The following DCLRE1A variants were observed in gnomAD, a reference collection of about 807,000 sequenced individuals.
The protein encoded by DCLRE1A is DNA cross-link repair 1A.
Under a neutral mutation model 91.9 loss-of-function variants are expected in DCLRE1A, and 64 were observed. The ratio of observed to expected loss-of-function variants is 0.70; its 90% CI spans 0.57 to 0.86. DCLRE1A has a LOEUF of 0.86. Among genes scored for constraint, DCLRE1A ranks in the 40% least tolerant of loss-of-function variants. The pLI is 0.00. For missense variants in DCLRE1A, 1,145 were observed against 1,213.3 expected (o/e 0.94, Z 0.84); for synonymous variants, 416 against 431.1 (o/e 0.96, Z 0.43).
chr10:113,842,217 AAGGTAATATTGAATCATTAC>A (rs767924447), intron 6 of DCLRE1A, 106 bp downstream of exon 6: 84 of 821,248 alleles, frequency 1.0e-4, no homozygotes, highest in Non-Finnish European at 1.4e-4. Context: ...TTCAACTTCA[AAGGTAATATTGAATCATTAC>A]AGGAAATAAT....
Position 113,850,175 on chromosome 10 carries a change from A to T in DCLRE1A, c.930T>A (p.His310Gln). ...AATCATCCGGTTTTTCATCGATATC[A>T]TGAGTGTCTTCATCACTTTGAAGTG... is the stretch of plus-strand genomic sequence containing the variant. Reference protein sequence around the residue: ...YSPLQSDEDTHDIDEKPDDSQ... With the variant: ...YSPLQSDEDTQDIDEKPDDSQ... The change falls in exon 2 of 9, where the codon CAT becomes CAA. Residue 310 changes from histidine (H) to glutamine (Q), a missense_variant. Physicochemically the swap from His to Gln is conservative, Grantham distance 24 (BLOSUM62 0). Coordinates refer to ENST00000361384, the MANE Select transcript of DCLRE1A (RefSeq NM_014881.5). 2 of 1,614,156 alleles carry T rather than the reference A, an allele frequency of 1.2e-6. No individual in the cohort carries two copies. The highest frequency in any genetic ancestry group is 1.1e-5 in the South Asian group (1 of 91,074).
chr10:113,845,931 A>C, intron 3 of DCLRE1A, 128 bp from the exon 4 acceptor site: 1 of 811,000 alleles, frequency 1.2e-6, no homozygotes, highest in Non-Finnish European at 2.1e-6. Context: ...ACACTCCACA[A>C]TGCCAGGAAG....
intron 6 of DCLRE1A, 52 bp downstream of exon 6, chr10:113,842,291 G>GA (rs1845456777): frequency 9.7e-6 from 14 of 1,439,678 alleles, no homozygotes; most frequent in African/African-American, 2.8e-5. Flanking sequence ...TATGCAAAAA[G>GA]AATCTGATCT....
Position 113,835,103 on chromosome 10 carries a change from C to G in DCLRE1A, c.*49G>C. ...ACATTTCTATAGATTTAACTACTAA[C>G]AAGCTACATCCAAGGAACTTAACTA... On this transcript the variant is annotated 3_prime_UTR_variant, in exon 9 of 9. Coordinates refer to ENST00000361384, the MANE Select transcript of DCLRE1A (RefSeq NM_014881.5). The G allele has an allele frequency of 1.3e-6, 2 of 1,548,112 alleles. No individual in the cohort carries two copies. The highest frequency in any genetic ancestry group is 1.8e-6 in the Non-Finnish European group (2 of 1,140,582).
rs749884263 is a variant in DCLRE1A at position 113,850,341 on chromosome 10, G to A, written c.764C>T (p.Ser255Phe). ...ATCTGTAAATTGTAGAGCTTGTTGG[G>A]ATGTTTGGATATGAGTAGAAATCTT... Reference protein sequence around the residue: ...SEKISTHIQTSQQALQFTDFV... With the variant: ...SEKISTHIQTFQQALQFTDFV... Residue 255 changes from serine (S) to phenylalanine (F), a missense_variant, in exon 2 of 9, where the codon TCC becomes TTC. By Grantham distance (155) the Ser-to-Phe change is radical. Coordinates refer to ENST00000361384, the MANE Select transcript of DCLRE1A (RefSeq NM_014881.5). 3.1e-6 allele frequency: 5 copies of A among 1,614,086 alleles called. No homozygotes were observed. Among genetic ancestry groups the A allele is most frequent in the Admixed American group, 1.7e-5 (1 of 60,010 alleles).
Position 113,849,227 on chromosome 10 carries a change from A to G in DCLRE1A, c.1878T>C (p.Leu626=). 6.2e-7 allele frequency: 1 copy of G among 1,614,106 alleles called. No homozygotes were observed. The highest frequency in any genetic ancestry group is 8.5e-7 in the Non-Finnish European group (1 of 1,179,996). The change falls in exon 2 of 9, where the codon CTT becomes CTC. Residue 626 remains leucine, a synonymous_variant. Coordinates refer to ENST00000361384, the MANE Select transcript of DCLRE1A (RefSeq NM_014881.5). ...TTTGACGCTGTGACCTCTCACTAGA[A>G]AGTTCCACAGAAAGCTGACTCTCAT... is the stretch of plus-strand genomic sequence containing the variant. The part of the protein sequence containing the change: ...TLHESQLSVE[L]SSERSQRQKK...
Position 113,842,448 on chromosome 10 carries a change from C to T in DCLRE1A, c.2560G>A (p.Val854Ile). Residue 854 changes from valine (V) to isoleucine (I), a missense_variant, in exon 6 of 9, where the codon GTT (valine) becomes ATT (isoleucine). By Grantham distance (29) the Val-to-Ile change is conservative. Coordinates refer to ENST00000361384, the MANE Select transcript of DCLRE1A (RefSeq NM_014881.5). ...PEYTFPSQQE[V>I]IRFAINTAFE... ...GCAGTGTTGATGGCAAACCGGATAA[C>T]CTCTTGCTGAGATGGAAAGGTGTAT... The T allele has an allele frequency of 1.2e-6, 2 of 1,613,834 alleles. No homozygotes were observed. The highest frequency in any genetic ancestry group is 1.7e-6 in the Non-Finnish European group (2 of 1,179,834).
At chr10:113,845,595 A>G in intron 4 of DCLRE1A, 90 bp downstream of exon 4, 1 of 934,464 alleles carries the variant, frequency 1.1e-6, no homozygotes, top group Non-Finnish European at 1.7e-6. Context: ...CAAGCATATT[A>G]ATTATAATGA....
Position 113,853,191 on chromosome 10 carries a change from G to A in DCLRE1A, c.-9C>T. Reference sequence around the variant, plus strand: ...GAAATGTCTTCTAACATGGCAAAATGATTTTATCATTCAAGAAGTATTAAT... The same window carrying A: ...GAAATGTCTTCTAACATGGCAAAATAATTTTATCATTCAAGAAGTATTAAT... On this transcript the variant is annotated 5_prime_UTR_variant, in exon 1 of 9. Coordinates refer to ENST00000361384, the MANE Select transcript of DCLRE1A (RefSeq NM_014881.5). 1 of 1,527,150 alleles carries A rather than the reference G, an allele frequency of 6.5e-7. No individual in the cohort carries two copies. The highest frequency in any genetic ancestry group is 8.7e-7 in the Non-Finnish European group (1 of 1,146,712). 94.6% of individuals were successfully genotyped at this position (1,527,150 alleles called of 1,614,324 possible). A position where few individuals can be genotyped will look rare whatever the true frequency, so the allele number is the denominator to read the frequency against.
chr10:113,841,598 C>A (rs1325863368), intron 6 of DCLRE1A, 38 bp from the exon 7 acceptor site: 1 of 1,548,052 alleles, frequency 6.5e-7, no homozygotes, highest in Middle Eastern at 1.7e-4. Flanking sequence ...AGTAAACTTA[C>A]AGCTTGTGAA....
At chr10:113,846,214 C>G (rs946661544) in intron 3 of DCLRE1A, among the ~76,000 whole-genome samples, 2 of 152,264 alleles carry the variant, frequency 1.3e-5, no homozygotes, top group East Asian at 1.9e-4. Context: ...TCTGCCTGGT[C>G]CTGGAATCAG....
rs1349855309 is a variant in DCLRE1A at position 113,849,364 on chromosome 10, C to T, written c.1741G>A (p.Glu581Lys). The T allele has an allele frequency of 3.1e-6, 5 of 1,614,036 alleles. No homozygotes were observed. Among genetic ancestry groups the T allele is most frequent in the Non-Finnish European group, 4.2e-6 (5 of 1,179,962 alleles). The change falls in exon 2 of 9, where the codon GAA becomes AAA. Residue 581 changes from glutamate to lysine, a missense_variant. Transcript: ENST00000361384. Reference protein sequence around the residue: ...EEKLLGESALEGINLNPVPSP... With the variant: ...EEKLLGESALKGINLNPVPSP... ...GGAACTGGATTTAAGTTTATCCCTT[C>T]TAATGCACTTTCCCCTAGCAATTTC...
At chr10:113,847,032 A>C (rs1589525697) in intron 3 of DCLRE1A, among the ~76,000 whole-genome samples, 170 bp downstream of exon 3, 1 of 152,244 alleles carries the variant, frequency 6.6e-6, no homozygotes, top group African/African-American at 2.4e-5. Context: ...CTAAAAACTG[A>C]AACTTGACAT....
chr10:113,852,261 A>G (rs1589529772), intron 1 of DCLRE1A, among the ~76,000 whole-genome samples: 1 of 152,204 alleles, frequency 6.6e-6, no homozygotes, highest in Non-Finnish European at 1.5e-5. Flanking sequence ...GCATGAACCT[A>G]GGAAGCGGAG....
chr10:113,852,628 A>G, intron 1 of DCLRE1A, 95 bp downstream of exon 1: 2 of 1,219,732 alleles, frequency 1.6e-6, no homozygotes, highest in Admixed American at 5.6e-5. Context: ...CTTTTAGGTT[A>G]CTGCTTGCCT....
chr10:113,846,597 G>T (rs2134661914), intron 3 of DCLRE1A, among the ~76,000 whole-genome samples: 1 of 152,180 alleles, frequency 6.6e-6, no homozygotes, highest in African/African-American at 2.4e-5. Flanking sequence ...GCTCGATACA[G>T]TCATGTCCCT....
chr10:113,846,669 A>T (rs1040245986), intron 3 of DCLRE1A, among the ~76,000 whole-genome samples: 7 of 152,178 alleles, frequency 4.6e-5, no homozygotes, highest in African/African-American at 1.7e-4. Flanking sequence ...AGGATGCTCA[A>T]GTCCTTTATA....
chr10:113,849,568 C>A lies in DCLRE1A; in HGVS notation c.1537G>T (p.Val513Leu). Reference sequence around the variant, plus strand: ...AAAATTGTAGCTTTACCAACTGGCACACCCTCTAATGCCTTTCTGCAGAAA... The same window carrying A: ...AAAATTGTAGCTTTACCAACTGGCAAACCCTCTAATGCCTTTCTGCAGAAA... ...ACFCRKALEG[V>L]PVGKATILNT... The change falls in exon 2 of 9, where the codon GTG (valine) becomes TTG (leucine). Residue 513 changes from valine to leucine, a missense_variant. By Grantham distance (32) the Val-to-Leu change is conservative. Transcript: ENST00000361384. 1.2e-6 allele frequency: 2 copies of A among 1,613,850 alleles called. No homozygotes were observed. The highest frequency in any genetic ancestry group is 1.7e-6 in the Non-Finnish European group (2 of 1,179,982).
At position 113,850,027 on chromosome 10, in the gene DCLRE1A, G is replaced by A; in HGVS notation, c.1078C>T (p.Pro360Ser). The part of the protein sequence containing the change: ...PLLKDQDESC[P>S]KVNSFLTRDK... ...CGAGTTAAGAAGCTGTTCACTTTGG[G>A]GCAGCTCTCATCCTGGTCCTTCAGT... The change falls in exon 2 of 9, where the codon CCC becomes TCC. Residue 360 changes from proline to serine, a missense_variant. Transcript: ENST00000361384. 6.2e-7 allele frequency: 1 copy of A among 1,613,980 alleles called. No homozygotes were observed. The highest frequency in any genetic ancestry group is 8.5e-7 in the Non-Finnish European group (1 of 1,180,012).
Sources: gnomAD v4.1 joint callset for allele counts (sites outside exome capture counted in the v4.1 genomes callset) on GRCh38, gnomAD v4.1.1 for gene constraint, MANE v1.5 for transcripts, NCBI Gene and HGNC (gene_info 2026-07-23, HGNC 2026-07-21) for gene names.